Variants in CORO1A observed in about 807,000 individuals in gnomAD.
CORO1A encodes the protein coronin-1A.
Under a neutral mutation model 44.1 loss-of-function variants are expected in CORO1A, and 17 were observed. The observed-to-expected ratio is 0.39, with a 90% CI of 0.26 to 0.58. The LOEUF (loss-of-function observed/expected upper bound fraction) is 0.58. Ranked by LOEUF, CORO1A falls within the 20% of genes least tolerant of loss-of-function variation. CORO1A has a pLI of 0.62. For missense variants in CORO1A, 415 were observed against 606.5 expected (o/e 0.68, Z 3.32); for synonymous variants, 271 against 244.2 (o/e 1.11, Z -1.02).
chr16:30,187,527 G>A, intron 6 of CORO1A, 26 bp downstream of exon 6: 2 of 1,593,852 alleles, frequency 1.3e-6, no homozygotes, highest in Non-Finnish European at 1.7e-6. Context: ...GGAAGCCGAG[G>A]GCCCCCAGGC....
intron 1 of CORO1A, 195 bp from the exon 2 acceptor site, chr16:30,185,014 G>A: frequency 1.5e-6 from 1 of 650,726 alleles, no homozygotes; most frequent in South Asian, 1.7e-5. Flanking sequence ...GGGAGAAGGG[G>A]GCTTGCAGGT....
intron 3 of CORO1A, 29 bp downstream of exon 3, chr16:30,186,749 G>C: frequency 6.2e-7 from 1 of 1,610,304 alleles, no homozygotes; most frequent in Non-Finnish European, 8.5e-7. Context: ...CCAGGGGCTG[G>C]GAGAGGGGCT....
chr16:30,186,893 T>A lies in CORO1A; in HGVS notation c.399T>A (p.Arg133=), dbSNP rs1347256513. The change falls in exon 4 of 11, where the codon CGT becomes CGA. Residue 133 remains arginine, a synonymous_variant. Transcript: ENST00000219150. ...PVVTLEGHTK[R]VGIVAWHTTA... is the part of the protein sequence containing the mutation. ...TCACCCTGGAGGGCCACACCAAGCG[T>A]GTGGGCATTGTGGCCTGGCACACCA... The A allele has an allele frequency of 8.1e-6, 13 of 1,612,334 alleles. No homozygotes were observed. The highest frequency in any genetic ancestry group is 2.7e-5 in the African/African-American group (2 of 74,890).
intron 6 of CORO1A, 94 bp from the exon 7 acceptor site, chr16:30,187,631 C>G: frequency 6.7e-7 from 1 of 1,483,104 alleles, no homozygotes; most frequent in Non-Finnish European, 9.3e-7. Context: ...GATGGTTGTT[C>G]CCACTGGTTG....
chr16:30,184,821 A>T lies in CORO1A; in HGVS notation c.-1-388A>T, dbSNP rs1161043409. On this transcript the variant is annotated intron_variant, in intron 1 of 10. Transcript: ENST00000219150. The surrounding 1 kb of genome is among the most constrained non-coding windows in gnomAD (Gnocchi z 4.3). ...GTGGGCTCTGGACACGGTAACTAAGAGAGAACCCACCCTCGGAGCCATCTG... is the reference window on the plus strand; with the variant it reads ...GTGGGCTCTGGACACGGTAACTAAGTGAGAACCCACCCTCGGAGCCATCTG... 5.7e-6 allele frequency: 2 copies of T among 348,520 alleles called. No individual in the cohort carries two copies. Among genetic ancestry groups the T allele is most frequent in the Non-Finnish European group, 1.1e-5 (2 of 180,568 alleles). The allele number at this position is 348,520 out of a possible 1,614,324, so 21.6% of individuals were successfully genotyped here. A position where few individuals can be genotyped will look rare whatever the true frequency, so the allele number is the denominator to read the frequency against.
intron 1 of CORO1A, 167 bp from the exon 2 acceptor site, chr16:30,185,042 T>A: frequency 1.4e-6 from 1 of 708,692 alleles, no homozygotes; most frequent in South Asian, 1.6e-5. Context: ...AAGGAGAGGC[T>A]GGGGAAGGCA....
Position 30,188,027 on chromosome 16 carries a change from A to G in CORO1A, c.947A>G (p.Gln316Arg). ...YLSMFSSKES[Q>R]RGMGYMPKRG... is the part of the protein sequence containing the mutation. ...TCCATGTTCAGTTCCAAGGAGTCCC[A>G]GCGGGGCATGGGCTACATGCCCAAA... Residue 316 changes from glutamine to arginine, a missense_variant, in exon 8 of 11, where the codon CAG (glutamine) becomes CGG (arginine). Coordinates refer to ENST00000219150, the MANE Select transcript of CORO1A (RefSeq NM_007074.4). 6.2e-7 allele frequency: 1 copy of G among 1,614,066 alleles called. No homozygotes were observed. Among genetic ancestry groups the G allele is most frequent in the Non-Finnish European group, 8.5e-7 (1 of 1,179,994 alleles).
Position 30,183,879 on chromosome 16 carries a change from G to A in CORO1A, c.-2+154G>A, listed in dbSNP as rs1293401182. 2 of 151,880 alleles carry A rather than the reference G, an allele frequency of 1.3e-5. No homozygotes were observed. The highest frequency in any genetic ancestry group is 2.9e-5 in the Non-Finnish European group (2 of 67,946). 9.4% of individuals were successfully genotyped at this position (151,880 alleles called of 1,614,324 possible). On this transcript the variant is annotated intron_variant, in intron 1 of 10. Coordinates refer to ENST00000219150, the MANE Select transcript of CORO1A (RefSeq NM_007074.4). This position sits in a 1 kb window ranked among gnomAD's most constrained non-coding sequence, Gnocchi z 5.0. ...TAGCGGGCGCAGCAGCCCGTGGGGG[G>A]ACGCTGCTTGGAGTGGGGGCCGCCG...
In CORO1A at chr16:30,185,427, G is replaced by T; in HGVS notation, c.198+20G>T. On this transcript the variant is annotated intron_variant, in intron 2 of 10. Coordinates refer to ENST00000219150, the MANE Select transcript of CORO1A (RefSeq NM_007074.4). Reference sequence around the variant, plus strand: ...GGCAAGGTGAGCCCCTGGGGCCCTGGGGGGAGCAGCTCCTCCACCGGACCC... The same window carrying T: ...GGCAAGGTGAGCCCCTGGGGCCCTGTGGGGAGCAGCTCCTCCACCGGACCC... 6.2e-7 allele frequency: 1 copy of T among 1,607,976 alleles called. No individual in the cohort carries two copies. The highest frequency in any genetic ancestry group is 8.5e-7 in the Non-Finnish European group (1 of 1,177,838).
rs2151061526 is a variant in CORO1A, at chr16:30,184,681, A to G, written c.-1-528A>G. The G allele has an allele frequency of 5.2e-6, 1 of 192,362 alleles. No homozygotes were observed. Among genetic ancestry groups the G allele is most frequent in the South Asian group, 8.1e-5 (1 of 12,404 alleles). The allele number at this position is 192,362 out of a possible 1,614,324, so 11.9% of individuals were successfully genotyped here. ...GCTGGGGAAGCTATCCTGCCGCCTCACTCCCCTCAGGCAGCCCCCACGCCA... is the reference window on the plus strand; with the variant it reads ...GCTGGGGAAGCTATCCTGCCGCCTCGCTCCCCTCAGGCAGCCCCCACGCCA... On this transcript the variant is annotated intron_variant, in intron 1 of 10. Transcript: ENST00000219150. This position sits in a 1 kb window ranked among gnomAD's most constrained non-coding sequence, Gnocchi z 4.3.
Position 30,187,200 on chromosome 16 carries a change from C to G in CORO1A, c.613C>G (p.Pro205Ala), listed in dbSNP as rs756032147. Residue 205 changes from proline to alanine, a missense_variant, in exon 5 of 11, where the codon CCC (proline) becomes GCC (alanine). Transcript: ENST00000219150. ...CRDKRVRIIE[P>A]RKGTVVAEKD... The stretch of plus-strand genomic sequence containing the variant: ...TGACAAGCGCGTGCGCATCATCGAG[C>G]CCCGCAAAGGCACTGTCGTAGCTGT... 1 of 1,613,134 alleles carries G rather than the reference C, an allele frequency of 6.2e-7. No individual in the cohort carries two copies. Among genetic ancestry groups the G allele is most frequent in the Non-Finnish European group, 8.5e-7 (1 of 1,180,016 alleles).
intron 7 of CORO1A, 36 bp downstream of exon 7, chr16:30,187,865 G>GGGGGGAGGGGGCC: frequency 1.9e-6 from 1 of 513,370 alleles, no homozygotes; most frequent in Non-Finnish European, 3.6e-6. Context: ...TGGGAGGTGG[G>GGGGGGAGGGGGCC]CAGGATGGGC....
In CORO1A at chr16:30,185,640, CAG is replaced by C. The variant is rs2073325055; in HGVS notation, c.198+235_198+236del. On this transcript the variant is annotated intron_variant, in intron 2 of 10. Transcript: ENST00000219150. ...TGGGTCACACCAGTGACCAGGACTACAGACAGTCCTGCAGACCCATGATCAGC... is the reference window on the plus strand; with the variant it reads ...TGGGTCACACCAGTGACCAGGACTACACAGTCCTGCAGACCCATGATCAGC... 6.8e-6 allele frequency: 4 copies of C among 588,900 alleles called. No individual in the cohort carries two copies. In the Admixed American group the frequency reaches 1.2e-4, roughly 18 times the overall value. The allele number at this position is 588,900 out of a possible 1,614,324, so 36.5% of individuals were successfully genotyped here. A position where few individuals can be genotyped will look rare whatever the true frequency, so the allele number is the denominator to read the frequency against.
chr16:30,187,569 T>C (rs1596920006), intron 6 of CORO1A, 68 bp downstream of exon 6: 2 of 1,556,238 alleles, frequency 1.3e-6, no homozygotes, highest in Middle Eastern at 3.3e-4. Context: ...TCGTCCCTGC[T>C]CTGCCACTCA....
At position 30,187,022 on chromosome 16, in the gene CORO1A, C is replaced by T. The variant is rs1225659928; in HGVS notation, c.452-17C>T. ...GGCAGGAGGCTCATGGCTTCTGACA[C>T]TGTGGGGAACGTGCAGGTTGTGACA... On this transcript the variant is annotated splice_polypyrimidine_tract_variant and intron_variant, in intron 4 of 10. Transcript: ENST00000219150. 6.2e-7 allele frequency: 1 copy of T among 1,613,748 alleles called. No individual in the cohort carries two copies. Among genetic ancestry groups the T allele is most frequent in the Non-Finnish European group, 8.5e-7 (1 of 1,179,980 alleles).
intron 2 of CORO1A, 23 bp downstream of exon 2, chr16:30,185,430 G>A (rs1255307346): frequency 2.5e-6 from 4 of 1,603,066 alleles, no homozygotes; most frequent in South Asian, 1.1e-5. Context: ...GGCCCTGGGG[G>A]GAGCAGCTCC....
chr16:30,186,353 A>C, intron 2 of CORO1A: 7 of 523,548 alleles, frequency 1.3e-5, no homozygotes, highest in Admixed American at 3.1e-5. Flanking sequence ...ACCGGCGGGA[A>C]CTCTGCCAGG....
At position 30,186,833 on chromosome 16, in the gene CORO1A, T is replaced by C; in HGVS notation, c.339T>C (p.Asp113=). 6.2e-7 allele frequency: 1 copy of C among 1,611,140 alleles called. No homozygotes were observed. Among genetic ancestry groups the C allele is most frequent in the South Asian group, 1.1e-5 (1 of 91,082 alleles). ...DCTVMVWEIP[D]GGLMLPLREP... ...CTCTGCAGGTGTGGGAGATCCCAGA[T>C]GGGGGCCTGATGCTGCCCCTGCGGG... Residue 113 remains aspartate, a synonymous_variant, in exon 4 of 11, where the codon GAT becomes GAC. Coordinates refer to ENST00000219150, the MANE Select transcript of CORO1A (RefSeq NM_007074.4).
At chr16:30,186,457 G>T in intron 2 of CORO1A, 141 bp from the exon 3 acceptor site, 1 of 912,040 alleles carries the variant, frequency 1.1e-6, no homozygotes. Flanking sequence ...AGAACAACCC[G>T]CCCCCGTCCC....
Sources: gnomAD v4.1 joint callset for allele counts on GRCh38, gnomAD v4.1.1 for gene constraint, Gnocchi (gnomAD v3.1) non-coding constraint, MANE v1.5 for transcripts, NCBI Gene and HGNC (gene_info 2026-07-23, HGNC 2026-07-21) for gene names.